Variants in TANC2 observed in about 807,000 individuals in gnomAD.
TANC2 encodes the protein tetratricopeptide repeat, ankyrin repeat and coiled-coil containing 2.
Under a neutral mutation model 210.5 loss-of-function variants are expected in TANC2, and 26 were observed. The ratio of observed to expected loss-of-function variants is 0.12; its 90% CI spans 0.09 to 0.17. The LOEUF (loss-of-function observed/expected upper bound fraction) is 0.17. Among genes scored for constraint, TANC2 ranks in the 10% least tolerant of loss-of-function variants. TANC2 has a pLI of 1.00. For missense variants in TANC2, 2,129 were observed against 2,608.9 expected (o/e 0.82, Z 4.01); for synonymous variants, 931 against 967.1 (o/e 0.96, Z 0.69).
chr17:63,291,335 C>G (rs760583838), intron 9 of TANC2, among the ~76,000 whole-genome samples: 5 of 152,206 alleles, frequency 3.3e-5, no homozygotes, highest in Non-Finnish European at 7.4e-5. Context: ...CTGTCTTCCC[C>G]TAGCCTTCCT....
At chr17:63,009,598 G>A in exon 2 of TANC2, 1 of 1,613,062 alleles carries the variant, frequency 6.2e-7, no homozygotes, top group African/African-American at 1.3e-5. Context: ...TTACTGGTGG[G>A]AAATCAAGTC....
chr17:63,356,105 A>G (rs2046775679), intron 14 of TANC2, among the ~76,000 whole-genome samples: 1 of 152,026 alleles, frequency 6.6e-6, no homozygotes, highest in African/African-American at 2.4e-5. Context: ...CACACGCACA[A>G]CAGGATCACT....
intron 2 of TANC2, among the ~76,000 whole-genome samples, chr17:63,057,450 C>T (rs2035847252): frequency 6.6e-6 from 1 of 151,910 alleles, no homozygotes; most frequent in East Asian, 1.9e-4. Context: ...TATTTTAGGT[C>T]TAGGTTTACA....
intron 21 of TANC2, among the ~76,000 whole-genome samples, chr17:63,408,724 G>C (rs1260304438): frequency 6.6e-6 from 1 of 152,216 alleles, no homozygotes; most frequent in East Asian, 1.9e-4. Context: ...ATGCAAAGGT[G>C]ATAGGCTAGA....
chr17:63,054,446 A>G (rs909887793), intron 2 of TANC2, among the ~76,000 whole-genome samples: 1 of 151,980 alleles, frequency 6.6e-6, no homozygotes. Context: ...ATCTCGGCTC[A>G]CTGCAACCTC....
At chr17:63,289,948 C>CG (rs917983435) in intron 9 of TANC2, among the ~76,000 whole-genome samples, 1 of 152,052 alleles carries the variant, frequency 6.6e-6, no homozygotes, top group African/African-American at 2.4e-5. Flanking sequence ...TTCCTTCCCC[C>CG]CCTTCAGTGG....
At chr17:63,037,539 T>C (rs1568335223) in intron 2 of TANC2, among the ~76,000 whole-genome samples, 1 of 152,038 alleles carries the variant, frequency 6.6e-6, no homozygotes, top group Non-Finnish European at 1.5e-5. Flanking sequence ...ATAGGCTGGG[T>C]GCGGTGGCTC....
At chr17:63,294,616 A>G (rs1347121275) in intron 9 of TANC2, among the ~76,000 whole-genome samples, 1 of 152,222 alleles carries the variant, frequency 6.6e-6, no homozygotes, top group Non-Finnish European at 1.5e-5. Flanking sequence ...TTTACAACAA[A>G]CACTCATATG....
chr17:63,272,141 T>G (rs184037319), intron 9 of TANC2, among the ~76,000 whole-genome samples: 7 of 152,316 alleles, frequency 4.6e-5, no homozygotes, highest in Non-Finnish European at 1.0e-4. Flanking sequence ...TTATGTGGTG[T>G]AAGGAAGGGA....
chr17:63,174,364 C>A (rs2040505669), intron 5 of TANC2, among the ~76,000 whole-genome samples: 2 of 152,154 alleles, frequency 1.3e-5, no homozygotes, highest in South Asian at 4.1e-4. Context: ...AAATCTGTTT[C>A]CTGGAATTAA....
rs114750613 is a variant in TANC2, at chr17:63,163,463, G to A, written c.433+12083G>A. Among the ~76,000 whole-genome samples the A allele has an allele frequency of 8.4e-3, 1,286 of 152,214 alleles. 17 individuals are homozygous for A. The highest frequency in any genetic ancestry group is 0.028 in the African/African-American group (1,177 of 41,544). The stretch of plus-strand genomic sequence containing the variant: ...CTTCAAAGAATGAGTGGTCTGACCT[G>A]AAGTCTAGGGAAACTACAAGAAGGA... On this transcript the variant is annotated intron_variant, in intron 5 of 27. Transcript: ENST00000689528.
intron 4 of TANC2, among the ~76,000 whole-genome samples, chr17:63,135,985 G>A (rs1050014061): frequency 4.6e-5 from 7 of 152,076 alleles, no homozygotes; most frequent in Non-Finnish European, 4.4e-5. Context: ...TAATAAAATA[G>A]GTAATTGAAA....
chr17:63,197,944 A>C (rs2041400080), intron 6 of TANC2, among the ~76,000 whole-genome samples: 1 of 152,234 alleles, frequency 6.6e-6, no homozygotes, highest in Admixed American at 6.5e-5. Context: ...TCTGTTTTCT[A>C]AATGGCTTGA....
intron 2 of TANC2, among the ~76,000 whole-genome samples, chr17:63,015,999 G>C (rs551218525): frequency 2.6e-5 from 4 of 152,104 alleles, no homozygotes; most frequent in African/African-American, 9.6e-5. Context: ...GGAGATACTG[G>C]CAATTTCAGA....
rs79558884 is a variant in TANC2 at position 63,355,945 on chromosome 17, G to A, written c.2582+555G>A. Among the ~76,000 whole-genome samples, 630 of 152,196 alleles carry A rather than the reference G, an allele frequency of 4.1e-3. 2 individuals are homozygous for A. The highest frequency in any genetic ancestry group is 5.8e-3 in the Non-Finnish European group (392 of 68,004). On this transcript the variant is annotated intron_variant, in intron 14 of 27. Transcript: ENST00000689528. ...GTCTATCCATGCTGCCTTTAGATAC[G>A]TAAGGTGTCATTATCTCCATTTTGC...
At chr17:63,205,660 A>G (rs1217496411) in intron 7 of TANC2, among the ~76,000 whole-genome samples, 3 of 152,128 alleles carry the variant, frequency 2.0e-5, no homozygotes, top group Non-Finnish European at 2.9e-5. Flanking sequence ...ACTTTGGGAC[A>G]GGTTACACAA....
At chr17:63,155,281 G>T (rs1567769395) in intron 5 of TANC2, 1 of 151,956 alleles carries the variant, frequency 6.6e-6, no homozygotes, top group African/African-American at 2.4e-5. Flanking sequence ...GAAATATAAT[G>T]TATATGCCAC....
chr17:63,160,162 A>C (rs912622699), intron 5 of TANC2, among the ~76,000 whole-genome samples: 1 of 152,226 alleles, frequency 6.6e-6, no homozygotes, highest in African/African-American at 2.4e-5. Context: ...ACTTTCTCCA[A>C]ATACAGCCAC....
At chr17:63,001,530 C>CTTT (rs534398376) in intron 1 of TANC2, among the ~76,000 whole-genome samples, 4 of 140,140 alleles carry the variant, frequency 2.9e-5, no homozygotes, top group African/African-American at 1.0e-4. Flanking sequence ...CTTTTCTTTT[C>CTTT]TTTTTTTTTT....
Sources: gnomAD v4.1 joint callset for allele counts (sites outside exome capture counted in the v4.1 genomes callset) on GRCh38, gnomAD v4.1.1 for gene constraint, MANE v1.5 for transcripts, NCBI Gene and HGNC (gene_info 2026-07-23, HGNC 2026-07-21) for gene names.